ATP11A: variants seen among roughly 807,000 people sequenced by gnomAD.
The protein encoded by ATP11A is phospholipid-transporting ATPase IH.
ATP11A carries 81 observed loss-of-function variants against 154.4 expected under a neutral mutation model. The observed-to-expected ratio is 0.52, with a 90% confidence interval of 0.44 to 0.63. The LOEUF (loss-of-function observed/expected upper bound fraction) is 0.63, where lower values mean the gene tolerates loss of function less well. Among genes scored for constraint, ATP11A ranks in the 30% least tolerant of loss-of-function variants. The pLI is 0.00. For missense variants in ATP11A, 1,316 were observed against 1,474.3 expected, an observed-to-expected ratio of 0.89 and a Z score of 1.76; for synonymous variants, 623 against 585.9, an observed-to-expected ratio of 1.06 and a Z score of -0.91.
intron 1 of ATP11A, among the ~76,000 whole-genome samples, chr13:112,726,333 C>G (rs1395475215): frequency 1.4e-5 from 2 of 146,060 alleles, no homozygotes; most frequent in Non-Finnish European, 3.0e-5. Flanking sequence ...AAGAGAAGGC[C>G]TGGGGGGCAC....
chr13:112,833,475 C>T lies in ATP11A; in HGVS notation c.1559+452C>T, dbSNP rs2079151852. ...TCTCACCGCCCACCCTTTAAGCAAACGCTTGGAAAAATACTTTAAACATTC... is the reference window on the plus strand; with the variant it reads ...TCTCACCGCCCACCCTTTAAGCAAATGCTTGGAAAAATACTTTAAACATTC... On this transcript the variant is annotated intron_variant, in intron 14 of 29. Coordinates refer to ENST00000375645, the MANE Select transcript of ATP11A (RefSeq NM_015205.3). Among the ~76,000 whole-genome samples the T allele has an allele frequency of 2.6e-5, 4 of 152,126 alleles. No individual in the cohort carries two copies. In the South Asian group the frequency reaches 6.2e-4, roughly 24 times the overall value.
chr13:112,870,188 G>T (rs945530752), intron 25 of ATP11A, among the ~76,000 whole-genome samples: 1 of 152,192 alleles, frequency 6.6e-6, no homozygotes, highest in Admixed American at 6.5e-5. Context: ...GTTGATGGGG[G>T]CCCCTAAGAA....
intron 1 of ATP11A, among the ~76,000 whole-genome samples, chr13:112,773,780 CGT>C (rs1455452859): frequency 3.9e-5 from 6 of 152,252 alleles, no homozygotes; most frequent in Non-Finnish European, 8.8e-5. Flanking sequence ...CAACGCCCCG[CGT>C]GTGTGAGTGG....
intron 2 of ATP11A, among the ~76,000 whole-genome samples, chr13:112,802,123 TCACGAGGTCAGGAGATTGAGACCAAC>T (rs1230357003): frequency 6.6e-6 from 1 of 151,992 alleles, no homozygotes; most frequent in South Asian, 2.1e-4. Flanking sequence ...GGCGGGCGGA[TCACGAGGTCAGGAGATTGAGACCAAC>T]CTGGCCAACA....
chr13:112,773,856 C>T (rs2077283433), intron 1 of ATP11A, among the ~76,000 whole-genome samples: 1 of 152,112 alleles, frequency 6.6e-6, no homozygotes, highest in South Asian at 2.1e-4. Flanking sequence ...GCGGGATTTC[C>T]ACGCCACCTC....
At chr13:112,779,697 T>G (rs1393290310) in intron 1 of ATP11A, among the ~76,000 whole-genome samples, 1 of 152,072 alleles carries the variant, frequency 6.6e-6, no homozygotes, top group Non-Finnish European at 1.5e-5. Flanking sequence ...GCGGATCACC[T>G]GAGGTCAGGA....
chr13:112,716,139 TC>T (rs1428416742), intron 1 of ATP11A, among the ~76,000 whole-genome samples: 20 of 152,300 alleles, frequency 1.3e-4, no homozygotes, highest in African/African-American at 4.6e-4. Flanking sequence ...CCTCTGGCCT[TC>T]TGCAGATGCT....
chr13:112,742,174 G>A (rs416018), intron 1 of ATP11A, among the ~76,000 whole-genome samples: 35,027 of 152,086 alleles, frequency 0.23, 5,218 homozygotes, highest in African/African-American at 0.42. Flanking sequence ...TCTAGATGGT[G>A]CCAGGTTGAA....
chr13:112,691,744 C>G (rs1885227078), intron 1 of ATP11A, among the ~76,000 whole-genome samples: 2 of 152,084 alleles, frequency 1.3e-5, no homozygotes, highest in Non-Finnish European at 2.9e-5. Flanking sequence ...AGACCTTGGC[C>G]AAAGATAGAT....
chr13:112,807,525 G>A lies in ATP11A; in HGVS notation c.333+1232G>A, dbSNP rs529946085. Among the ~76,000 whole-genome samples, 5 of 152,286 alleles carry A rather than the reference G, an allele frequency of 3.3e-5. No homozygotes were observed. The highest frequency in any genetic ancestry group is 2.1e-4 in the South Asian group (1 of 4,822). On this transcript the variant is annotated intron_variant, in intron 4 of 29. Transcript: ENST00000375645. This position sits in a 1 kb window ranked among gnomAD's most constrained non-coding sequence, Gnocchi z 4.5. ...AGGGAGACTCACGCTTCCCAAGGAC[G>A]CGCTGCCTGTGACTCAGGCAGTTTA...
chr13:112,832,499 G>C (rs1346757419), intron 13 of ATP11A, among the ~76,000 whole-genome samples: 2 of 152,224 alleles, frequency 1.3e-5, no homozygotes, highest in African/African-American at 4.8e-5. Context: ...CCAGGGTCCA[G>C]GGTGTTTGTG....
At position 112,883,956 on chromosome 13, in the gene ATP11A, C is replaced by T. The variant is rs927828096; in HGVS notation, c.*2090C>T. 2.0e-5 allele frequency: 3 copies of T among 152,584 alleles called. No homozygotes were observed. The highest frequency in any genetic ancestry group is 1.9e-4 in the East Asian group (1 of 5,202). 9.5% of individuals were successfully genotyped at this position (152,584 alleles called of 1,614,324 possible). On this transcript the variant is annotated 3_prime_UTR_variant, in exon 30 of 30. Transcript: ENST00000375645. ...TAGAAATCTTAAAATTGCCTTTGCA[C>T]TGAAGTATTTTCATAGCTGTTTATA...
In ATP11A at chr13:112,806,285, A is replaced by AT. The variant is rs761070715; in HGVS notation, c.326dup (p.Lys110GlnfsTer5). ...CTTCTTTGTCATTACTGTGACGGCT[A>AT]TCAAACAGGTAAGCATTTTACAGAC... On this transcript the variant is annotated frameshift_variant, in exon 4 of 30. Transcript: ENST00000375645. LOFTEE classifies it high-confidence loss of function. 1 of 1,612,688 alleles carries AT rather than the reference A, an allele frequency of 6.2e-7. No individual in the cohort carries two copies. Among genetic ancestry groups the AT allele is most frequent in the Non-Finnish European group, 8.5e-7 (1 of 1,179,122 alleles).
At chr13:112,877,959 A>T (rs1242972572) in intron 28 of ATP11A, among the ~76,000 whole-genome samples, 1 of 151,492 alleles carries the variant, frequency 6.6e-6, no homozygotes, top group Non-Finnish European at 1.5e-5. Context: ...GGGAATGCTT[A>T]TGAACAGCTA....
intron 17 of ATP11A, among the ~76,000 whole-genome samples, chr13:112,842,637 T>G (rs923382011): frequency 3.3e-5 from 5 of 152,238 alleles, no homozygotes; most frequent in Non-Finnish European, 7.3e-5. Context: ...AGGGTTTTAT[T>G]TTCGGGTGGG....
At chr13:112,783,125 C>T (rs1189196901) in intron 1 of ATP11A, among the ~76,000 whole-genome samples, 3 of 152,206 alleles carry the variant, frequency 2.0e-5, no homozygotes, top group African/African-American at 7.2e-5. Flanking sequence ...CACACAGCTC[C>T]TGTCCGGGAC....
chr13:112,803,737 T>C (rs60333760), intron 2 of ATP11A, among the ~76,000 whole-genome samples: 28,916 of 79,626 alleles, frequency 0.36, 4,146 homozygotes, highest in East Asian at 0.53. Context: ...CCTGACCTCC[T>C]TCCCCTCCTT....
At chr13:112,797,406 C>A (rs431106) in intron 2 of ATP11A, among the ~76,000 whole-genome samples, 80,097 of 151,682 alleles carry the variant, frequency 0.53, 22,218 homozygotes, top group African/African-American at 0.71. Context: ...GCCAAACTAC[C>A]GATCCAGGAA....
intron 17 of ATP11A, 94 bp downstream of exon 17, chr13:112,842,473 G>T: frequency 1.1e-6 from 1 of 948,722 alleles, no homozygotes; most frequent in Non-Finnish European, 1.7e-6. Flanking sequence ...TGGGAATGGC[G>T]TATTGTATTC....
Sources: gnomAD v4.1 joint callset for allele counts (sites outside exome capture counted in the v4.1 genomes callset) on GRCh38, gnomAD v4.1.1 for gene constraint, Gnocchi (gnomAD v3.1) non-coding constraint, MANE v1.5 for transcripts, NCBI Gene and HGNC (gene_info 2026-07-23, HGNC 2026-07-21) for gene names.